Variants in DCLK2 observed in about 807,000 individuals in gnomAD.
The protein encoded by DCLK2 is doublecortin like kinase 2.
Under a neutral mutation model 78.4 loss-of-function variants are expected in DCLK2, and 31 were observed. The ratio of observed to expected loss-of-function variants is 0.40; its 90% CI spans 0.30 to 0.53. DCLK2 has a LOEUF of 0.53. Among genes scored for constraint, DCLK2 ranks in the 20% least tolerant of loss-of-function variants. DCLK2 has a pLI of 0.61. For synonymous variants in DCLK2, 407 were observed against 374.9 expected (o/e 1.09, Z -0.99); for missense variants, 872 against 973.7 (o/e 0.90, Z 1.39).
intron 15 of DCLK2, among the ~76,000 whole-genome samples, chr4:150,250,132 A>G (rs1400058335): frequency 6.6e-6 from 1 of 152,228 alleles, no homozygotes; most frequent in African/African-American, 2.4e-5. Flanking sequence ...GTTTTAAAAA[A>G]TCAGTGTTTT....
intron 2 of DCLK2, among the ~76,000 whole-genome samples, chr4:150,182,570 G>C (rs1476716212): frequency 6.6e-6 from 1 of 152,070 alleles, no homozygotes; most frequent in African/African-American, 2.4e-5. Context: ...ATCGTTTATT[G>C]CATGTTAACG....
intron 9 of DCLK2, 68 bp from the exon 10 acceptor site, chr4:150,232,614 G>A (rs577831769): frequency 1.3e-6 from 2 of 1,558,030 alleles, no homozygotes; most frequent in Admixed American, 1.7e-5. Flanking sequence ...ATGCCAATGA[G>A]CCATCTTTCT....
rs147893499 is a variant in DCLK2, at chr4:150,083,741, G to A, written c.421+4293G>A. ...ACACTAAAGTCATGCATGGTGATTG[G>A]ACTTGGAAAGTTAATATTGAATTTC... On this transcript the variant is annotated intron_variant, in intron 1 of 15. Coordinates refer to ENST00000296550, the MANE Select transcript of DCLK2 (RefSeq NM_001040260.4). Among the ~76,000 whole-genome samples, 889 of 152,288 alleles carry A rather than the reference G, an allele frequency of 5.8e-3. 4 individuals are homozygous for A. The highest frequency in any genetic ancestry group is 0.01 in the Non-Finnish European group (701 of 68,012).
chr4:150,156,131 T>C (rs1735253588), intron 2 of DCLK2, among the ~76,000 whole-genome samples: 1 of 152,116 alleles, frequency 6.6e-6, no homozygotes, highest in African/African-American at 2.4e-5. Context: ...AAGTGGAGGT[T>C]GCTGGTGATT....
chr4:150,094,224 C>T (rs1247122909), intron 1 of DCLK2, among the ~76,000 whole-genome samples: 2 of 152,108 alleles, frequency 1.3e-5, no homozygotes, highest in African/African-American at 4.8e-5. Context: ...AACTAAAAAG[C>T]TTCTACACAG....
At chr4:150,204,086 G>A (rs781694486) in intron 5 of DCLK2, among the ~76,000 whole-genome samples, 197 bp downstream of exon 5, 14 of 152,184 alleles carry the variant, frequency 9.2e-5, no homozygotes, top group Admixed American at 5.9e-4. Flanking sequence ...CTGAGCTGAA[G>A]TGTTTCTCTT....
At chr4:150,157,485 GTTTT>G (rs933996767) in intron 2 of DCLK2, among the ~76,000 whole-genome samples, 16 of 130,580 alleles carry the variant, frequency 1.2e-4, no homozygotes, top group African/African-American at 2.7e-4. Flanking sequence ...TGTAGAGATG[GTTTT>G]TTTGTTTGTT....
intron 2 of DCLK2, among the ~76,000 whole-genome samples, chr4:150,154,614 T>A (rs1157997626): frequency 6.6e-6 from 1 of 152,230 alleles, no homozygotes; most frequent in East Asian, 1.9e-4. Context: ...ATTATTACCA[T>A]GTGCCTTTAA....
chr4:150,189,218 G>A (rs531230327), intron 2 of DCLK2, among the ~76,000 whole-genome samples: 12 of 143,938 alleles, frequency 8.3e-5, no homozygotes, highest in African/African-American at 2.5e-4. Flanking sequence ...ATATTAAACT[G>A]CAGTAGATAC....
intron 2 of DCLK2, among the ~76,000 whole-genome samples, chr4:150,123,072 C>G (rs1388878539): frequency 6.6e-6 from 1 of 152,224 alleles, no homozygotes; most frequent in Non-Finnish European, 1.5e-5. Flanking sequence ...CAAACATTCT[C>G]CACATCAGCA....
chr4:150,220,650 A>T (rs949970996), intron 5 of DCLK2, 53 bp from the exon 6 acceptor site: 1 of 1,452,796 alleles, frequency 6.9e-7, no homozygotes, highest in Non-Finnish European at 9.6e-7. Flanking sequence ...CGGATTAGTT[A>T]GCTAGGGATT....
chr4:150,121,599 C>T (rs1732543751), intron 2 of DCLK2, among the ~76,000 whole-genome samples: 1 of 152,178 alleles, frequency 6.6e-6, no homozygotes, highest in Non-Finnish European at 1.5e-5. Flanking sequence ...CAACTTCTTC[C>T]AGACTCCTGT....
intron 8 of DCLK2, 32 bp from the exon 9 acceptor site, chr4:150,232,305 C>G (rs1410387097): frequency 1.9e-6 from 3 of 1,605,282 alleles, no homozygotes; most frequent in East Asian, 2.2e-5. Context: ...TCTGTGATTT[C>G]TGATCTCCTC....
intron 12 of DCLK2, among the ~76,000 whole-genome samples, chr4:150,240,917 T>G (rs776461285): frequency 6.6e-6 from 1 of 152,184 alleles, no homozygotes; most frequent in Non-Finnish European, 1.5e-5. Context: ...GTTTCCAGTG[T>G]TCATTCTTTC....
At chr4:150,142,686 A>G (rs141426825) in intron 2 of DCLK2, among the ~76,000 whole-genome samples, 4 of 152,310 alleles carry the variant, frequency 2.6e-5, no homozygotes, top group Admixed American at 6.5e-5. Context: ...ATACCCTTGG[A>G]TCCGAGACTC....
At chr4:150,091,121 CTG>C (rs1730031042) in intron 1 of DCLK2, among the ~76,000 whole-genome samples, 2 of 152,144 alleles carry the variant, frequency 1.3e-5, no homozygotes, top group Non-Finnish European at 2.9e-5. Context: ...TTTTCTTACT[CTG>C]TATTTTTTCT....
chr4:150,167,177 T>G (rs1736153663), intron 2 of DCLK2, among the ~76,000 whole-genome samples: 1 of 152,160 alleles, frequency 6.6e-6, no homozygotes. Flanking sequence ...AAAATATCTG[T>G]TTCAATTGGA....
intron 11 of DCLK2, 86 bp from the exon 12 acceptor site, chr4:150,240,313 C>G (rs1742820045): frequency 9.1e-7 from 1 of 1,104,636 alleles, no homozygotes; most frequent in Non-Finnish European, 1.4e-6. Context: ...AATCCTTTTC[C>G]TAACAAATAA....
chr4:150,108,666 A>G (rs1731444148), intron 2 of DCLK2, among the ~76,000 whole-genome samples: 1 of 152,226 alleles, frequency 6.6e-6, no homozygotes, highest in Non-Finnish European at 1.5e-5. Flanking sequence ...ACATTCTCAT[A>G]ATAAAATACA....
Sources: gnomAD v4.1 joint callset for allele counts (sites outside exome capture counted in the v4.1 genomes callset) on GRCh38, gnomAD v4.1.1 for gene constraint, MANE v1.5 for transcripts, NCBI Gene and HGNC (gene_info 2026-07-23, HGNC 2026-07-21) for gene names.